Variants in ARID1B observed in about 807,000 individuals in gnomAD.
ARID1B encodes AT-rich interactive domain-containing protein 1B.
Under a neutral mutation model 212.3 loss-of-function variants are expected in ARID1B, and 30 were observed. The ratio of observed to expected loss-of-function variants is 0.14; its 90% confidence interval spans 0.11 to 0.19. The LOEUF is 0.19. Among genes scored for constraint, ARID1B ranks in the 10% least tolerant of loss-of-function variants. The pLI is 1.00. For synonymous variants in ARID1B, 1,402 were observed against 1,301.7 expected (o/e 1.08, Z -1.66); for missense variants, 2,891 against 3,204.0 (o/e 0.90, Z 2.36).
chr6:157,104,039 G>T (rs1786286494), intron 5 of ARID1B, among the ~76,000 whole-genome samples: 1 of 152,102 alleles, frequency 6.6e-6, no homozygotes, highest in East Asian at 1.9e-4. Context: ...GTTTCACCAT[G>T]TTGGCCAGGC....
intron 8 of ARID1B, 139 bp from the exon 9 acceptor site, chr6:157,166,896 TCCAGG>T (rs1427594220): frequency 5.1e-6 from 6 of 1,174,114 alleles, no homozygotes; most frequent in Non-Finnish European, 7.0e-6. Context: ...AGCCTTTCTC[TCCAGG>T]AAATAATCTG....
At chr6:156,903,384 T>G (rs1789106635) in intron 3 of ARID1B, among the ~76,000 whole-genome samples, 1 of 152,236 alleles carries the variant, frequency 6.6e-6, no homozygotes, top group African/African-American at 2.4e-5. Context: ...ATATTCTGAA[T>G]AAAACCAAAC....
At chr6:156,913,601 T>C (rs1032649039) in intron 3 of ARID1B, among the ~76,000 whole-genome samples, 3 of 152,150 alleles carry the variant, frequency 2.0e-5, no homozygotes, top group Non-Finnish European at 1.5e-5. Context: ...CCCATCTAAC[T>C]GAAATTTTGT....
rs746810545 is a variant in ARID1B, at chr6:157,201,250, G to A, written c.5025G>A (p.Arg1675=). The change falls in exon 18 of 20, where the codon AGG becomes AGA. Residue 1675 remains arginine, a synonymous_variant. Transcript: ENST00000636930. This position sits in a 1 kb window ranked among gnomAD's most constrained non-coding sequence, Gnocchi z 5.2. ...TPPSLPNHIS[R]APSPASFQRS... ...CGTCACTGCCAAATCACATCTCCAG[G>A]GCGCCCAGCCCAGCGTCCTTCCAGC... The A allele has an allele frequency of 6.2e-7, 1 of 1,613,992 alleles. No individual in the cohort carries two copies. The highest frequency in any genetic ancestry group is 8.5e-7 in the Non-Finnish European group (1 of 1,179,970).
Position 157,208,645 on chromosome 6 carries a change from T to A in ARID1B, c.*754T>A, listed in dbSNP as rs1192905893. On this transcript the variant is annotated 3_prime_UTR_variant, in exon 20 of 20. Transcript: ENST00000636930. The stretch of plus-strand genomic sequence containing the variant: ...TTCCTTTCATCATTTTTTAAATATT[T>A]TTTTTACTGCCTATGGGCTGTGATG... 1 of 232,834 alleles carries A rather than the reference T, an allele frequency of 4.3e-6. No individual in the cohort carries two copies. Among genetic ancestry groups the A allele is most frequent in the Non-Finnish European group, 8.5e-6 (1 of 117,732 alleles). The allele number at this position is 232,834 out of a possible 1,614,324, so 14.4% of individuals were successfully genotyped here. A position where few individuals can be genotyped will look rare whatever the true frequency, so the allele number is the denominator to read the frequency against.
At chr6:157,008,782 C>G (rs1779392693) in intron 4 of ARID1B, among the ~76,000 whole-genome samples, 1 of 152,024 alleles carries the variant, frequency 6.6e-6, no homozygotes, top group South Asian at 2.1e-4. Flanking sequence ...CAGATGACAG[C>G]ATGGGTCCTT....
At position 156,867,840 on chromosome 6, in the gene ARID1B, C is replaced by T. The variant is rs570475050; in HGVS notation, c.1987-33536C>T. Among the ~76,000 whole-genome samples, 35 of 152,284 alleles carry T rather than the reference C, an allele frequency of 2.3e-4. 1 individual carries two copies. Among genetic ancestry groups the T allele is most frequent in the African/African-American group, 6.5e-4 (27 of 41,562 alleles). Reference sequence around the variant, plus strand: ...GGAGTTCAAAATACAGCTCCTCTACCGATCAAATAAGCTTTCTTTAAAAAG... The same window carrying T: ...GGAGTTCAAAATACAGCTCCTCTACTGATCAAATAAGCTTTCTTTAAAAAG... On this transcript the variant is annotated intron_variant, in intron 2 of 19. Coordinates refer to ENST00000636930, the MANE Select transcript of ARID1B (RefSeq NM_001374828.1).
Position 156,779,108 on chromosome 6 carries a change from G to A in ARID1B, c.1428G>A (p.Ala476=), listed in dbSNP as rs2114996015. 1 of 1,233,728 alleles carries A rather than the reference G, an allele frequency of 8.1e-7. No individual in the cohort carries two copies. The highest frequency in any genetic ancestry group is 1.0e-6 in the Non-Finnish European group (1 of 989,326). The allele number at this position is 1,233,728 out of a possible 1,614,324, so 76.4% of individuals were successfully genotyped here. The change falls in exon 1 of 20, where the codon GCG becomes GCA. Residue 476 remains alanine, a synonymous_variant. Coordinates refer to ENST00000636930, the MANE Select transcript of ARID1B (RefSeq NM_001374828.1). ...GCGGGGCCGCGAGCCTCAGCAAGGC[G>A]GCCGCCGGCTCGGCGGCGGGGGGCT... ...GGGGAASLSK[A]AAGSAAGGFQ... is the part of the protein sequence containing the mutation.
intron 3 of ARID1B, among the ~76,000 whole-genome samples, chr6:156,929,822 C>T (rs539641907): frequency 6.6e-6 from 1 of 152,216 alleles, no homozygotes; most frequent in East Asian, 1.9e-4. Context: ...TACTAGGTGC[C>T]ATTGCCATTT....
At chr6:156,787,797 T>G (rs1428562318) in intron 1 of ARID1B, among the ~76,000 whole-genome samples, 1 of 152,136 alleles carries the variant, frequency 6.6e-6, no homozygotes, top group Non-Finnish European at 1.5e-5. Context: ...AATAAGCTTC[T>G]ATGATGAGGC....
intron 4 of ARID1B, among the ~76,000 whole-genome samples, chr6:157,033,429 A>G (rs1307213075): frequency 6.6e-6 from 1 of 152,188 alleles, no homozygotes; most frequent in Non-Finnish European, 1.5e-5. Flanking sequence ...GCATTGCTTT[A>G]TTTTGACGAT....
chr6:156,942,420 T>A (rs997530047), intron 4 of ARID1B: 10 of 152,178 alleles, frequency 6.6e-5, no homozygotes, highest in African/African-American at 2.4e-4. Flanking sequence ...CACGGAGCTC[T>A]TCTGTGGTCT....
intron 2 of ARID1B, among the ~76,000 whole-genome samples, chr6:156,841,031 G>A (rs997368510): frequency 2.0e-5 from 3 of 152,174 alleles, no homozygotes; most frequent in Admixed American, 6.5e-5. Flanking sequence ...TTAGGATGCC[G>A]TACATACAAA....
At chr6:156,992,409 C>T (rs1778323592) in intron 4 of ARID1B, among the ~76,000 whole-genome samples, 1 of 152,192 alleles carries the variant, frequency 6.6e-6, no homozygotes. Flanking sequence ...AAGCCAATTA[C>T]TTTTGAGTTA....
chr6:156,885,430 G>A (rs1193943930), intron 2 of ARID1B, among the ~76,000 whole-genome samples: 1 of 152,130 alleles, frequency 6.6e-6, no homozygotes, highest in Non-Finnish European at 1.5e-5. Flanking sequence ...AAAATGAGGA[G>A]GCAATGGAAA....
At chr6:156,937,483 A>G (rs1483603194) in intron 4 of ARID1B, 5 of 152,348 alleles carry the variant, frequency 3.3e-5, no homozygotes, top group South Asian at 2.1e-4. Context: ...CTATAAAAAT[A>G]GTTTGTGGTA....
chr6:157,183,663 G>T (rs1217981737), intron 12 of ARID1B, among the ~76,000 whole-genome samples: 1 of 152,198 alleles, frequency 6.6e-6, no homozygotes, highest in Non-Finnish European at 1.5e-5. Context: ...GCACAGGAAG[G>T]TGTGCACCTG....
In ARID1B at chr6:156,883,724, T is replaced by C. The variant is rs1054219088; in HGVS notation, c.1987-17652T>C. Among the ~76,000 whole-genome samples the C allele has an allele frequency of 3.5e-4, 53 of 152,168 alleles. 1 individual carries two copies. The highest frequency in any genetic ancestry group is 8.8e-5 in the Non-Finnish European group (6 of 68,026). ...CCTTGCTTTGACTCTTGACTTCTTC[T>C]GAGAGTTGCCGGCTCCTCTGAGTGG... On this transcript the variant is annotated intron_variant, in intron 2 of 19. Coordinates refer to ENST00000636930, the MANE Select transcript of ARID1B (RefSeq NM_001374828.1).
chr6:156,868,404 G>A (rs1785867704), intron 2 of ARID1B, among the ~76,000 whole-genome samples: 1 of 152,212 alleles, frequency 6.6e-6, no homozygotes, highest in Non-Finnish European at 1.5e-5. Flanking sequence ...ATCTTAGTCT[G>A]TTCAGGCTGC....
Sources: allele counts gnomAD v4.1 joint callset (sites outside exome capture counted in the v4.1 genomes callset), GRCh38; gene constraint gnomAD v4.1.1; non-coding constraint Gnocchi (gnomAD v3.1); transcripts MANE v1.5; gene names NCBI Gene and HGNC (gene_info 2026-07-23, HGNC 2026-07-21).